The following PCDHA5 variants were observed in gnomAD, a reference collection of about 807,000 sequenced individuals.
The protein encoded by PCDHA5 is protocadherin alpha-5.
A neutral mutation model predicts 61.6 loss-of-function variants in PCDHA5; 43 were observed. The ratio of observed to expected loss-of-function variants is 0.70; its 90% CI spans 0.55 to 0.90. PCDHA5 has a LOEUF of 0.90. Ranked by LOEUF, PCDHA5 falls within the 40% of genes least tolerant of loss-of-function variation. The pLI is 0.00. For missense variants in PCDHA5, 1,298 were observed against 1,222.7 expected (o/e 1.06, Z -0.92); for synonymous variants, 627 against 543.9 (o/e 1.15, Z -2.13).
intron 1 of PCDHA5, among the ~76,000 whole-genome samples, chr5:140,933,543 A>C (rs888580290): frequency 6.6e-6 from 1 of 152,092 alleles, no homozygotes; most frequent in Non-Finnish European, 1.5e-5. Flanking sequence ...AATAATGTTA[A>C]TATAAAATAA....
At chr5:140,923,219 CGTTTG>C (rs2081242278) in intron 1 of PCDHA5, among the ~76,000 whole-genome samples, 3 of 151,974 alleles carry the variant, frequency 2.0e-5, no homozygotes, top group Admixed American at 1.3e-4. Context: ...GTGAAAGGAT[CGTTTG>C]AGCCCAGAAG....
At position 140,869,188 on chromosome 5, in the gene PCDHA5, G is replaced by T. The variant is rs200563745; in HGVS notation, c.2352+45061G>T. 364 of 1,613,946 alleles carry T rather than the reference G, an allele frequency of 2.3e-4. 4 individuals carry two copies. In the Admixed American group the frequency reaches 5.9e-3, roughly 26 times the overall value. On this transcript the variant is annotated intron_variant, in intron 1 of 3. Coordinates refer to ENST00000529859, the MANE Select transcript of PCDHA5 (RefSeq NM_018908.3). ...CCTCGAATTCTGGGAGGTGGGGAGC[G>T]GCCAGCTCCACTACTCCGTCTCGGA...
chr5:140,834,172 G>A (rs114972611), intron 1 of PCDHA5: 2 of 551,148 alleles, frequency 3.6e-6, no homozygotes, highest in Non-Finnish European at 6.4e-6. Flanking sequence ...TTACTTACAT[G>A]ATGGCCACAT....
chr5:140,925,108 G>GGAAGGAAGGAAGGAA (rs1554202548), intron 1 of PCDHA5, among the ~76,000 whole-genome samples: 36 of 124,780 alleles, frequency 2.9e-4, no homozygotes, highest in African/African-American at 1.2e-3. Context: ...GAAGGAAGGA[G>GGAAGGAAGGAAGGAA]GGAAGGAAGG....
chr5:141,002,941 C>G (rs964416301), intron 3 of PCDHA5, among the ~76,000 whole-genome samples: 18 of 152,216 alleles, frequency 1.2e-4, no homozygotes, highest in African/African-American at 4.1e-4. Flanking sequence ...CACCCTCCAG[C>G]ACATGCCCCT....
At chr5:140,998,287 G>A (rs1209811850) in intron 3 of PCDHA5, among the ~76,000 whole-genome samples, 3 of 152,154 alleles carry the variant, frequency 2.0e-5, no homozygotes, top group Non-Finnish European at 4.4e-5. Flanking sequence ...GATTAAATCA[G>A]ATCACACATT....
rs2150124604 is a variant in PCDHA5, at chr5:140,823,315, G to T, written c.1540G>T (p.Gly514Cys). 2 of 1,612,268 alleles carry T rather than the reference G, an allele frequency of 1.2e-6. No individual in the cohort carries two copies. Among genetic ancestry groups the T allele is most frequent in the South Asian group, 1.1e-5 (1 of 91,014 alleles). Reference sequence around the variant, plus strand: ...TTACGTTTCGGTGCACGCGGAGAGCGGCAAGGTGTACGCGCTGCAGCCGCT... The same window carrying T: ...TTACGTTTCGGTGCACGCGGAGAGCTGCAAGGTGTACGCGCTGCAGCCGCT... ...SSYVSVHAES[G>C]KVYALQPLDH... The change falls in exon 1 of 4, where the codon GGC becomes TGC. Residue 514 changes from glycine (G) to cysteine (C), a missense_variant. By Grantham distance (159) the Gly-to-Cys change is radical. Coordinates refer to ENST00000529859, the MANE Select transcript of PCDHA5 (RefSeq NM_018908.3).
At chr5:140,958,810 G>T (rs2095443726) in intron 1 of PCDHA5, among the ~76,000 whole-genome samples, 1 of 151,988 alleles carries the variant, frequency 6.6e-6, no homozygotes, top group Non-Finnish European at 1.5e-5. Context: ...ACACCATTCT[G>T]TTTTAATTTT....
intron 1 of PCDHA5, among the ~76,000 whole-genome samples, chr5:140,940,745 T>C (rs1554213585): frequency 6.6e-6 from 1 of 152,260 alleles, no homozygotes; most frequent in Non-Finnish European, 1.5e-5. Flanking sequence ...CATATTTTTA[T>C]GTGTGCCAAC....
intron 1 of PCDHA5, chr5:140,927,331 A>T: frequency 6.2e-7 from 1 of 1,614,134 alleles, no homozygotes; most frequent in Non-Finnish European, 8.5e-7. Flanking sequence ...TACTCTCCCG[A>T]ATGCCCAAGA....
intron 1 of PCDHA5, among the ~76,000 whole-genome samples, chr5:140,944,732 G>A (rs1351639657): frequency 6.6e-6 from 1 of 152,142 alleles, no homozygotes; most frequent in Non-Finnish European, 1.5e-5. Context: ...ACCTTAGTAA[G>A]TCTGAGCATT....
chr5:140,926,806 C>T, intron 1 of PCDHA5: 1 of 1,456,722 alleles, frequency 6.9e-7, no homozygotes, highest in Non-Finnish European at 9.0e-7. Flanking sequence ...CTCTTCCCCG[C>T]GGCTCGTGCT....
intron 1 of PCDHA5, among the ~76,000 whole-genome samples, chr5:140,909,031 A>G (rs782567758): frequency 7.9e-5 from 12 of 152,106 alleles, no homozygotes; most frequent in Non-Finnish European, 1.6e-4. Flanking sequence ...TTAGTCATTT[A>G]TTTTCCATAC....
chr5:140,987,122 G>A (rs1054053197), intron 3 of PCDHA5, among the ~76,000 whole-genome samples: 2 of 151,858 alleles, frequency 1.3e-5, no homozygotes, highest in African/African-American at 4.8e-5. Context: ...GCTGAGGCAG[G>A]AGAATTGCTT....
rs77308266 is a variant in PCDHA5 at position 140,916,313 on chromosome 5, A to C, written c.2353-62636A>C. On this transcript the variant is annotated intron_variant, in intron 1 of 3. Transcript: ENST00000529859. ...GCCAAACTGGTACCAAAGGTGCAAG[A>C]CAAAGTCCCCTTTACTTTTTCCTCT... Among the ~76,000 whole-genome samples the C allele has an allele frequency of 8.0e-3, 1,216 of 152,336 alleles. 6 individuals are homozygous for C. The highest frequency in any genetic ancestry group is 0.019 in the African/African-American group (784 of 41,584).
At chr5:140,848,367 G>C in intron 1 of PCDHA5, 3 of 1,100,452 alleles carry the variant, frequency 2.7e-6, no homozygotes, top group Non-Finnish European at 4.0e-6. Context: ...TGGGAAAGAG[G>C]CTCAATTCTT....
chr5:140,939,993 G>A (rs889924458), intron 1 of PCDHA5, among the ~76,000 whole-genome samples: 3 of 151,902 alleles, frequency 2.0e-5, no homozygotes, highest in African/African-American at 7.3e-5. Context: ...GTTTCTCCTT[G>A]GATTTTGTCA....
intron 1 of PCDHA5, among the ~76,000 whole-genome samples, chr5:140,923,186 C>T (rs559668347): frequency 2.0e-5 from 3 of 152,206 alleles, no homozygotes; most frequent in African/African-American, 7.2e-5. Context: ...GATGCATCTA[C>T]TGCAGCAATT....
At chr5:140,975,553 G>T (rs990389718) in intron 1 of PCDHA5, among the ~76,000 whole-genome samples, 2 of 152,226 alleles carry the variant, frequency 1.3e-5, no homozygotes, top group Non-Finnish European at 2.9e-5. Context: ...TATTAGGAAG[G>T]AAAAGGAGAT....
Sources: gnomAD v4.1 joint callset for allele counts (sites outside exome capture counted in the v4.1 genomes callset) on GRCh38, gnomAD v4.1.1 for gene constraint, MANE v1.5 for transcripts, NCBI Gene and HGNC (gene_info 2026-07-23, HGNC 2026-07-21) for gene names.